The following ZCCHC2 variants were observed in gnomAD, a reference collection of about 807,000 sequenced individuals.
ZCCHC2 encodes the protein zinc finger CCHC-type containing 2.
In ZCCHC2, 39 loss-of-function variants were observed where a neutral mutation model predicts 103.6. The ratio of observed to expected loss-of-function variants is 0.38; its 90% CI spans 0.29 to 0.49. The LOEUF (loss-of-function observed/expected upper bound fraction) is 0.49, where lower values mean the gene tolerates loss of function less well. Ranked by LOEUF, ZCCHC2 falls within the 20% of genes least tolerant of loss-of-function variation. The probability of loss-of-function intolerance (pLI) is 0.96; values close to 1 mark genes in which losing one functional copy is unlikely to be tolerated. For synonymous variants in ZCCHC2, 687 were observed against 608.9 expected (o/e 1.13, Z -1.89); for missense variants, 1,483 against 1,491.0 (o/e 0.99, Z 0.09).
At position 62,523,516 on chromosome 18, in the gene ZCCHC2, C is replaced by T. The variant is rs1015613321; in HGVS notation, c.92C>T (p.Ala31Val). 1.9e-3 allele frequency: 1,797 copies of T among 969,340 alleles called. No individual in the cohort carries two copies. Among genetic ancestry groups the T allele is most frequent in the Non-Finnish European group, 2.1e-3 (1,699 of 819,408 alleles). 60.0% of individuals were successfully genotyped at this position (969,340 alleles called of 1,614,324 possible). Reference protein sequence around the residue: ...EEPEADARPGAKAPSRRRRDC... With the variant: ...EEPEADARPGVKAPSRRRRDC... ...CCCGAGGCGGACGCGCGGCCGGGCG[C>T]GAAGGCGCCTTCGCGCCGCCGCCGC... Residue 31 changes from alanine to valine, a missense_variant, in exon 1 of 14, where the codon GCG becomes GTG. Around this residue, in one of 3 missense-constraint regions of ZCCHC2, gnomAD observed 568 missense variants for 525.1 expected, o/e 1.08. Coordinates refer to ENST00000269499, the MANE Select transcript of ZCCHC2 (RefSeq NM_017742.6).
chr18:62,545,851 A>G (rs889345863), intron 4 of ZCCHC2, among the ~76,000 whole-genome samples: 1 of 152,198 alleles, frequency 6.6e-6, no homozygotes, highest in Non-Finnish European at 1.5e-5. Context: ...TTCTTTTCAG[A>G]TCATTCTTAA....
In ZCCHC2 at chr18:62,556,196, T is replaced by C. The variant is rs1325277692; in HGVS notation, c.1314-7T>C. 1.3e-6 allele frequency: 2 copies of C among 1,586,608 alleles called. No individual in the cohort carries two copies. The highest frequency in any genetic ancestry group is 2.3e-5 in the East Asian group (1 of 44,292). ...AATTAACAAATCTCTTTTCTTTTTA[T>C]GTGCAGGCAGCTATTTTCAAGTTCA... is the stretch of plus-strand genomic sequence containing the variant. On this transcript the variant is annotated splice_polypyrimidine_tract_variant and splice_region_variant and intron_variant, in intron 5 of 13. Coordinates refer to ENST00000269499, the MANE Select transcript of ZCCHC2 (RefSeq NM_017742.6).
chr18:62,527,133 C>T (rs1261593524), intron 1 of ZCCHC2, among the ~76,000 whole-genome samples: 1 of 151,178 alleles, frequency 6.6e-6, no homozygotes, highest in African/African-American at 2.4e-5. Flanking sequence ...GTATTTTCAG[C>T]CTTACTATTG....
chr18:62,567,926 C>T (rs1269897438), intron 11 of ZCCHC2, among the ~76,000 whole-genome samples: 2 of 96,378 alleles, frequency 2.1e-5, no homozygotes, highest in Admixed American at 2.2e-4. Flanking sequence ...GCCGGGGCGA[C>T]AGAATGAGAC....
chr18:62,561,110 C>T (rs1001860453), intron 8 of ZCCHC2, among the ~76,000 whole-genome samples: 1 of 152,098 alleles, frequency 6.6e-6, no homozygotes, highest in Non-Finnish European at 1.5e-5. Flanking sequence ...GTACTCATTC[C>T]TTCCTGTGTC....
exon 15 of ZCCHC2, chr18:62,585,774 A>C (rs1412342931): frequency 6.6e-6 from 1 of 152,288 alleles, no homozygotes; most frequent in Non-Finnish European, 1.5e-5. Flanking sequence ...TTTGTCATGC[A>C]GGGGACACTT....
chr18:62,582,056 TATAAA>T (rs1462094744), downstream of ZCCHC2, among the ~76,000 whole-genome samples: 2 of 152,152 alleles, frequency 1.3e-5, no homozygotes, highest in Non-Finnish European at 2.9e-5. Flanking sequence ...AAGGGAAAAT[TATAAA>T]AGAGTTTCAA....
At position 62,539,703 on chromosome 18, in the gene ZCCHC2, A is replaced by G; in HGVS notation, c.962A>G (p.Tyr321Cys). 1 of 1,597,256 alleles carries G rather than the reference A, an allele frequency of 6.3e-7. No individual in the cohort carries two copies. Among genetic ancestry groups the G allele is most frequent in the South Asian group, 1.1e-5 (1 of 87,828 alleles). ...RAQNNSAHGDYMQNNESSLIE... is the reference protein window; with the variant it reads ...RAQNNSAHGDCMQNNESSLIE... ...TAGAACAACTCTGCTCATGGTGATT[A>G]CATGCAAAATAACGAGAGCAGCTTA... Residue 321 changes from tyrosine to cysteine, a missense_variant, in exon 2 of 14, where the codon TAC (tyrosine) becomes TGC (cysteine). Tyr to Cys is a radical substitution (Grantham distance 194). Transcript: ENST00000269499.
At chr18:62,583,659 A>C (rs78705145) in intron 14 of ZCCHC2, among the ~76,000 whole-genome samples, 1 of 62,460 alleles carries the variant, frequency 1.6e-5, no homozygotes, top group Non-Finnish European at 3.5e-5. Flanking sequence ...AAGAATAAAA[A>C]AATACTGACC....
intron 9 of ZCCHC2, among the ~76,000 whole-genome samples, 177 bp from the exon 10 acceptor site, chr18:62,564,394 G>A (rs1376865500): frequency 1.0e-4 from 15 of 149,080 alleles, no homozygotes; most frequent in Non-Finnish European, 2.2e-4. Flanking sequence ...AAATATGTAA[G>A]TGTCACAGAA....
chr18:62,524,618 G>T (rs1343816821), intron 1 of ZCCHC2: 1 of 487,060 alleles, frequency 2.1e-6, no homozygotes, highest in Non-Finnish European at 3.4e-6. Flanking sequence ...TCCCTTCCGT[G>T]CCACGGTGTT....
Position 62,523,474 on chromosome 18 carries a change from C to G in ZCCHC2, c.50C>G (p.Pro17Arg). Residue 17 changes from proline (P) to arginine (R), a missense_variant, in exon 1 of 14, where the codon CCG becomes CGG. Pro to Arg is a moderately radical substitution (Grantham distance 103). Transcript: ENST00000269499. ...PLKPTHPAEP[P>R]PEAEEPEADA... ...AAGCCAACGCACCCCGCGGAGCCGC[C>G]GCCCGAGGCGGAGGAGCCCGAGGCG... 3.7e-6 allele frequency: 4 copies of G among 1,087,416 alleles called. No homozygotes were observed. The highest frequency in any genetic ancestry group is 4.5e-6 in the Non-Finnish European group (4 of 884,714). 67.4% of individuals were successfully genotyped at this position (1,087,416 alleles called of 1,614,324 possible). A position where few individuals can be genotyped will look rare whatever the true frequency, so the allele number is the denominator to read the frequency against.
In ZCCHC2 at chr18:62,523,516, C is replaced by G; in HGVS notation, c.92C>G (p.Ala31Gly). Residue 31 changes from alanine to glycine, a missense_variant, in exon 1 of 14, where the codon GCG becomes GGG. Physicochemically the swap from Ala to Gly is moderately conservative, Grantham distance 60 (BLOSUM62 0). Around this residue, in one of 3 missense-constraint regions of ZCCHC2, gnomAD observed 568 missense variants for 525.1 expected, o/e 1.08. Transcript: ENST00000269499. ...EEPEADARPG[A>G]KAPSRRRRDC... Reference sequence around the variant, plus strand: ...CCCGAGGCGGACGCGCGGCCGGGCGCGAAGGCGCCTTCGCGCCGCCGCCGC... The same window carrying G: ...CCCGAGGCGGACGCGCGGCCGGGCGGGAAGGCGCCTTCGCGCCGCCGCCGC... 5 of 969,060 alleles carry G rather than the reference C, an allele frequency of 5.2e-6. No homozygotes were observed. Among genetic ancestry groups the G allele is most frequent in the African/African-American group, 1.8e-5 (1 of 55,162 alleles). 60.0% of individuals were successfully genotyped at this position (969,060 alleles called of 1,614,324 possible). A position where few individuals can be genotyped will look rare whatever the true frequency, so the allele number is the denominator to read the frequency against.
intron 14 of ZCCHC2, among the ~76,000 whole-genome samples, chr18:62,583,674 C>G (rs542189931): frequency 1.3e-5 from 2 of 152,166 alleles, no homozygotes; most frequent in East Asian, 1.9e-4. Flanking sequence ...CTGACCCCCC[C>G]CTCCACCCAA....
chr18:62,535,541 CACAGCT>C (rs1914883226), intron 1 of ZCCHC2, among the ~76,000 whole-genome samples: 1 of 152,172 alleles, frequency 6.6e-6, no homozygotes, highest in Admixed American at 6.5e-5. Flanking sequence ...GTGTCTGGGA[CACAGCT>C]GGGGCCCAGA....
chr18:62,533,568 A>G (rs895568839), intron 1 of ZCCHC2, among the ~76,000 whole-genome samples: 10 of 151,382 alleles, frequency 6.6e-5, no homozygotes, highest in African/African-American at 2.4e-4. Context: ...ACACTGCTTT[A>G]AGATTAAGTA....
Position 62,574,470 on chromosome 18 carries a change from T to G in ZCCHC2, c.2389T>G (p.Ser797Ala). The change falls in exon 13 of 14, where the codon TCA becomes GCA. Residue 797 changes from serine to alanine, a missense_variant. Around this residue, in one of 3 missense-constraint regions of ZCCHC2, gnomAD observed 884 missense variants for 907.5 expected, o/e 0.97. Coordinates refer to ENST00000269499, the MANE Select transcript of ZCCHC2 (RefSeq NM_017742.6). ...ELLASPLPIPSTFLPHSSTPA... is the reference protein window; with the variant it reads ...ELLASPLPIPATFLPHSSTPA... ...ACTGGCTTCCCCTTTACCTATTCCATCAACCTTCCTTCCACACAGTAGTAC... is the reference window on the plus strand; with the variant it reads ...ACTGGCTTCCCCTTTACCTATTCCAGCAACCTTCCTTCCACACAGTAGTAC... The G allele has an allele frequency of 1.2e-6, 2 of 1,613,956 alleles. No individual in the cohort carries two copies. Among genetic ancestry groups the G allele is most frequent in the Non-Finnish European group, 1.7e-6 (2 of 1,179,890 alleles).
rs563312446 is a variant in ZCCHC2, at chr18:62,530,830, C to A, written c.939+6467C>A. On this transcript the variant is annotated intron_variant, in intron 1 of 13. Transcript: ENST00000269499. The stretch of plus-strand genomic sequence containing the variant: ...ATTTAGATTATTATTAATTATCGTG[C>A]AGTTGTAATCTACTTAAATCCTGAT... 1.1e-4 allele frequency among the ~76,000 whole-genome samples: 17 copies of A among 152,284 alleles called. No individual in the cohort carries two copies. The East Asian group carries it at 2.3e-3, about 21-fold the overall frequency.
chr18:62,532,613 T>G (rs1914737155), intron 1 of ZCCHC2, among the ~76,000 whole-genome samples: 2 of 152,252 alleles, frequency 1.3e-5, no homozygotes, highest in South Asian at 4.1e-4. Context: ...CATTGTCTCT[T>G]GTATGATGTT....
Sources: gnomAD v4.1 joint callset for allele counts (sites outside exome capture counted in the v4.1 genomes callset) on GRCh38, gnomAD v4.1.1 for gene constraint, gnomAD v4.1.1 regional missense constraint, MANE v1.5 for transcripts, NCBI Gene and HGNC (gene_info 2026-07-23, HGNC 2026-07-21) for gene names.